Variants in PRKCE observed in about 807,000 individuals in gnomAD.
The protein encoded by PRKCE is protein kinase C epsilon, also known as protein kinase C epsilon type.
A neutral mutation model predicts 85.4 loss-of-function variants in PRKCE; 16 were observed. The observed-to-expected ratio is 0.19, with a 90% CI of 0.13 to 0.28. PRKCE has a LOEUF of 0.28. Among genes scored for constraint, PRKCE ranks in the 10% least tolerant of loss-of-function variants. The pLI is 1.00. For missense variants in PRKCE, 573 were observed against 975.2 expected (o/e 0.59, Z 5.49); for synonymous variants, 388 against 371.5 (o/e 1.04, Z -0.51).
At chr2:45,803,909 A>G (rs1408577118) in intron 1 of PRKCE, among the ~76,000 whole-genome samples, 2 of 152,172 alleles carry the variant, frequency 1.3e-5, no homozygotes, top group East Asian at 3.9e-4. Context: ...TGTACACAGG[A>G]TGTTGTTTAA....
intron 10 of PRKCE, among the ~76,000 whole-genome samples, chr2:46,058,081 AG>A (rs1226287710): frequency 6.6e-6 from 1 of 152,228 alleles, no homozygotes; most frequent in Non-Finnish European, 1.5e-5. Flanking sequence ...GCAAATTCAT[AG>A]TTTCCTCTGC....
At chr2:45,873,470 A>C (rs77301516) in intron 2 of PRKCE, among the ~76,000 whole-genome samples, 6 of 147,444 alleles carry the variant, frequency 4.1e-5, no homozygotes, top group South Asian at 2.2e-4. Flanking sequence ...AAAAAAAAAA[A>C]AAAAAACAAA....
At chr2:46,082,059 A>T (rs536635494) in intron 10 of PRKCE, among the ~76,000 whole-genome samples, 2 of 151,960 alleles carry the variant, frequency 1.3e-5, no homozygotes, top group Admixed American at 6.6e-5. Context: ...ACACCATTAC[A>T]CTCCAGCCTG....
intron 11 of PRKCE, among the ~76,000 whole-genome samples, chr2:46,127,810 C>G (rs1275830779): frequency 6.6e-6 from 1 of 152,246 alleles, no homozygotes; most frequent in Non-Finnish European, 1.5e-5. Flanking sequence ...AGACATGAGA[C>G]AGCTCACAGA....
At chr2:45,832,155 C>A (rs929690411) in intron 1 of PRKCE, among the ~76,000 whole-genome samples, 1 of 152,234 alleles carries the variant, frequency 6.6e-6, no homozygotes, top group South Asian at 2.1e-4. Flanking sequence ...CCCCGGAGAG[C>A]AATTATTCCC....
chr2:45,655,839 G>A (rs150086653), intron 1 of PRKCE, among the ~76,000 whole-genome samples: 13 of 92,960 alleles, frequency 1.4e-4, no homozygotes, highest in African/African-American at 5.8e-4. Context: ...GTGATACCCT[G>A]TCTCTTGAAA....
intron 2 of PRKCE, among the ~76,000 whole-genome samples, chr2:45,924,371 A>G (rs1221705159): frequency 6.6e-6 from 1 of 152,160 alleles, no homozygotes; most frequent in Non-Finnish European, 1.5e-5. Context: ...GTTGTTTTTG[A>G]ATAGGAAAAT....
In PRKCE at chr2:45,786,511, A is replaced by G. The variant is rs922583423; in HGVS notation, c.349-56489A>G. Among the ~76,000 whole-genome samples, 9 of 152,160 alleles carry G rather than the reference A, an allele frequency of 5.9e-5. No homozygotes were observed. The highest frequency in any genetic ancestry group is 1.0e-4 in the Non-Finnish European group (7 of 68,032). On this transcript the variant is annotated intron_variant, in intron 1 of 14. Coordinates refer to ENST00000306156, the MANE Select transcript of PRKCE (RefSeq NM_005400.3). This position sits in a 1 kb window ranked among gnomAD's most constrained non-coding sequence, Gnocchi z 5.3. ...TTTTATCTTTAGTTTCCATCTGCAC[A>G]CTACCTAATTCACTTCAACAAGACC... is the stretch of plus-strand genomic sequence containing the variant.
At chr2:45,750,827 T>C (rs1683498743) in intron 1 of PRKCE, among the ~76,000 whole-genome samples, 1 of 152,124 alleles carries the variant, frequency 6.6e-6, no homozygotes, top group Non-Finnish European at 1.5e-5. Context: ...GTGGCATGAT[T>C]TTGACCAGGC....
chr2:45,712,250 A>G (rs1679722862), intron 1 of PRKCE, among the ~76,000 whole-genome samples: 1 of 144,156 alleles, frequency 6.9e-6, no homozygotes, highest in African/African-American at 2.6e-5. Context: ...CAGGTTCAAG[A>G]GATTCTCCTG....
intron 1 of PRKCE, among the ~76,000 whole-genome samples, chr2:45,812,577 G>C (rs1001737371): frequency 2.6e-5 from 4 of 152,180 alleles, no homozygotes; most frequent in Non-Finnish European, 1.5e-5. Flanking sequence ...AGTAATATTA[G>C]TATCCACTTC....
Position 45,936,802 on chromosome 2 carries a change from T to A in PRKCE, c.413-39627T>A, listed in dbSNP as rs370356464. Among the ~76,000 whole-genome samples the A allele has an allele frequency of 4.6e-5, 7 of 152,140 alleles. No homozygotes were observed. In the East Asian group the frequency reaches 1.3e-3, roughly 29 times the overall value. On this transcript the variant is annotated intron_variant, in intron 2 of 14. Coordinates refer to ENST00000306156, the MANE Select transcript of PRKCE (RefSeq NM_005400.3). ...AAAGATTTTCCACTGGTGTAGGGAATGTCTCCTCCCGGCTCTGAGAGACTT... is the reference window on the plus strand; with the variant it reads ...AAAGATTTTCCACTGGTGTAGGGAAAGTCTCCTCCCGGCTCTGAGAGACTT...
In PRKCE at chr2:46,028,639, A is replaced by G. The variant is rs115770124; in HGVS notation, c.1437+18122A>G. Among the ~76,000 whole-genome samples the G allele has an allele frequency of 4.7e-3, 717 of 152,324 alleles. 4 individuals carry two copies. Among genetic ancestry groups the G allele is most frequent in the African/African-American group, 0.015 (643 of 41,560 alleles). On this transcript the variant is annotated intron_variant, in intron 10 of 14. Transcript: ENST00000306156. ...AACTAACATTTATAGAGTGTTTTCT[A>G]TAAGCCAAGAATGATAATAACTGAT... is the stretch of plus-strand genomic sequence containing the variant.
intron 2 of PRKCE, among the ~76,000 whole-genome samples, chr2:45,893,961 T>C (rs1206670880): frequency 1.3e-5 from 2 of 152,154 alleles, no homozygotes; most frequent in Non-Finnish European, 2.9e-5. Context: ...AAGGGACTTC[T>C]AACTTAGGTC....
At chr2:45,997,532 T>G in intron 6 of PRKCE, among the ~76,000 whole-genome samples, 1 of 151,978 alleles carries the variant, frequency 6.6e-6, no homozygotes, top group Non-Finnish European at 1.5e-5. Context: ...TTTTATTTCA[T>G]TTTTTATTTT....
At chr2:46,149,307 T>C (rs1676376357) in intron 12 of PRKCE, among the ~76,000 whole-genome samples, 1 of 150,962 alleles carries the variant, frequency 6.6e-6, no homozygotes, top group Non-Finnish European at 1.5e-5. Context: ...GAACTTTGCC[T>C]TTTTTTTTCA....
At chr2:45,656,377 G>A (rs1204872544) in intron 1 of PRKCE, among the ~76,000 whole-genome samples, 1 of 152,174 alleles carries the variant, frequency 6.6e-6, no homozygotes, top group Non-Finnish European at 1.5e-5. Flanking sequence ...GAAAACTGAG[G>A]TGAATTCTAG....
chr2:45,681,288 C>CAAAAAAAAA (rs10532828), intron 1 of PRKCE, among the ~76,000 whole-genome samples: 3 of 61,780 alleles, frequency 4.9e-5, no homozygotes, highest in African/African-American at 7.7e-5. Flanking sequence ...GACTCTGTCT[C>CAAAAAAAAA]AAAAAAAAAA....
intron 11 of PRKCE, among the ~76,000 whole-genome samples, chr2:46,141,092 C>G (rs1417610184): frequency 2.0e-5 from 3 of 152,106 alleles, no homozygotes; most frequent in African/African-American, 7.2e-5. Flanking sequence ...CAACATCCAT[C>G]AAAATTCACA....
Sources: allele counts gnomAD v4.1 joint callset (sites outside exome capture counted in the v4.1 genomes callset), GRCh38; gene constraint gnomAD v4.1.1; non-coding constraint Gnocchi (gnomAD v3.1); transcripts MANE v1.5; gene names NCBI Gene and HGNC (gene_info 2026-07-23, HGNC 2026-07-21).